The following SCIN variants were observed in gnomAD, a reference collection of about 807,000 sequenced individuals.
The protein encoded by SCIN is scinderin.
A neutral mutation model predicts 91.8 loss-of-function variants in SCIN; 91 were observed. The ratio of observed to expected loss-of-function variants is 0.99; its 90% CI spans 0.84 to 1.18. The LOEUF is 1.18. Among genes scored for constraint, SCIN ranks in the 50% most tolerant of loss-of-function variants. The pLI, the probability that SCIN is intolerant of heterozygous loss-of-function variation, is 0.00. For missense variants in SCIN, 1,087 were observed against 863.9 expected (o/e 1.26, Z -3.24); for synonymous variants, 367 against 312.6 (o/e 1.17, Z -1.84).
chr7:12,632,032 A>T (rs2115281625), intron 9 of SCIN, among the ~76,000 whole-genome samples: 1 of 152,190 alleles, frequency 6.6e-6, no homozygotes, highest in African/African-American at 2.4e-5. Flanking sequence ...TATTTTTAAG[A>T]CATTGGGGGT....
Position 12,626,629 on chromosome 7 carries a change from T to C in SCIN, c.1027T>C (p.Phe343Leu). The change falls in exon 8 of 16, where the codon TTT (phenylalanine) becomes CTT (leucine). Residue 343 changes from phenylalanine to leucine, a missense_variant. Transcript: ENST00000297029. ...AGGTGAAACACCAATCTTCAAACAG[T>C]TTTTTAAGGACTGGAGAGATAAAGA... ...EGGETPIFKQ[F>L]FKDWRDKDQS... 1 of 1,552,488 alleles carries C rather than the reference T, an allele frequency of 6.4e-7. No individual in the cohort carries two copies. Among genetic ancestry groups the C allele is most frequent in the Non-Finnish European group, 8.7e-7 (1 of 1,147,368 alleles).
At chr7:12,580,085 A>G (rs948877074) in intron 2 of SCIN, among the ~76,000 whole-genome samples, 1 of 152,114 alleles carries the variant, frequency 6.6e-6, no homozygotes, top group Non-Finnish European at 1.5e-5. Flanking sequence ...ATCTATACCA[A>G]CTTTTATTGG....
intron 3 of SCIN, among the ~76,000 whole-genome samples, chr7:12,585,477 A>G (rs979617356): frequency 1.3e-5 from 2 of 152,302 alleles, no homozygotes; most frequent in Admixed American, 1.3e-4. Flanking sequence ...CCATGAGTCA[A>G]TCTAAACTTT....
At chr7:12,590,291 A>G (rs1782690569) in intron 3 of SCIN, among the ~76,000 whole-genome samples, 1 of 152,096 alleles carries the variant, frequency 6.6e-6, no homozygotes, top group Admixed American at 6.5e-5. Flanking sequence ...GGTGAAGTCT[A>G]TTTGCCAGTC....
intron 3 of SCIN, among the ~76,000 whole-genome samples, chr7:12,603,294 G>A (rs558205065): frequency 9.2e-4 from 139 of 151,824 alleles, no homozygotes; most frequent in African/African-American, 2.9e-3. Flanking sequence ...ACAGGTGCCC[G>A]CCACTACACC....
chr7:12,584,911 G>A (rs1274387012), intron 3 of SCIN, among the ~76,000 whole-genome samples: 1 of 152,126 alleles, frequency 6.6e-6, no homozygotes, highest in Non-Finnish European at 1.5e-5. Context: ...GTTAACTCTT[G>A]GAAAGATATG....
At chr7:12,592,906 A>C (rs1219677192) in intron 3 of SCIN, among the ~76,000 whole-genome samples, 1 of 152,180 alleles carries the variant, frequency 6.6e-6, no homozygotes, top group Non-Finnish European at 1.5e-5. Context: ...CTGGGCTCCG[A>C]TGCAGTGATG....
intron 3 of SCIN, among the ~76,000 whole-genome samples, chr7:12,584,938 G>A (rs552852891): frequency 6.6e-6 from 1 of 152,300 alleles, no homozygotes; most frequent in Admixed American, 6.5e-5. Flanking sequence ...TCAGCCACTA[G>A]TGAAGAATTC....
chr7:12,640,477 A>G lies in SCIN; in HGVS notation c.1541A>G (p.Gln514Arg). 1 of 1,612,618 alleles carries G rather than the reference A, an allele frequency of 6.2e-7. No individual in the cohort carries two copies. The highest frequency in any genetic ancestry group is 8.5e-7 in the Non-Finnish European group (1 of 1,179,328). The change falls in exon 11 of 16, where the codon CAA (glutamine) becomes CGA (arginine). Residue 514 changes from glutamine to arginine, a missense_variant. Coordinates refer to ENST00000297029, the MANE Select transcript of SCIN (RefSeq NM_001112706.3). Reference sequence around the variant, plus strand: ...CCTGCTCCCCCTACACGCCTCTTTCAAGTCCGGAGAAACCTGGCATCTATC... The same window carrying G: ...CCTGCTCCCCCTACACGCCTCTTTCGAGTCCGGAGAAACCTGGCATCTATC... ...QAPAPPTRLFQVRRNLASITR... is the reference protein window; with the variant it reads ...QAPAPPTRLFRVRRNLASITR...
rs940136439 is a variant in SCIN at position 12,625,495 on chromosome 7, A to T, written c.893-267A>T. Among the ~76,000 whole-genome samples, 38 of 126,838 alleles carry T rather than the reference A, an allele frequency of 3.0e-4. 1 individual carries two copies. Among genetic ancestry groups the T allele is most frequent in the Middle Eastern group, 4.9e-3 (1 of 204 alleles). The allele number at this position is 126,838 out of a possible 152,430, so 83.2% of individuals were successfully genotyped here. A position where few individuals can be genotyped will look rare whatever the true frequency, so the allele number is the denominator to read the frequency against. On this transcript the variant is annotated intron_variant, in intron 6 of 15. Coordinates refer to ENST00000297029, the MANE Select transcript of SCIN (RefSeq NM_001112706.3). ...TGCAGCCCGCCACCACGCCCAGCTA[A>T]TTTTTTTGTATTTTTTGTGGAGATG...
intron 10 of SCIN, among the ~76,000 whole-genome samples, chr7:12,638,167 C>CG (rs1293320213): frequency 1.3e-5 from 2 of 152,198 alleles, no homozygotes; most frequent in Non-Finnish European, 2.9e-5. Flanking sequence ...ATACAGACTT[C>CG]AAGAAGACCC....
intron 1 of SCIN, chr7:12,571,312 C>G (rs2240574): frequency 0.46 from 183,380 of 398,714 alleles, 43,530 homozygotes; most frequent in African/African-American, 0.56. Flanking sequence ...TTGTCCAGGG[C>G]CGCTGCCTCA....
chr7:12,642,763 C>T lies in SCIN; in HGVS notation c.1582-1375C>T, dbSNP rs184499426. On this transcript the variant is annotated intron_variant, in intron 11 of 15. Transcript: ENST00000297029. Reference sequence around the variant, plus strand: ...TCTTTTTTCACTAGGTGAATGTATCCCCACACTTACAATGGTTTCTTCCTA... The same window carrying T: ...TCTTTTTTCACTAGGTGAATGTATCTCCACACTTACAATGGTTTCTTCCTA... Among the ~76,000 whole-genome samples, 11 of 151,842 alleles carry T rather than the reference C, an allele frequency of 7.2e-5. No individual in the cohort carries two copies. In the East Asian group the frequency reaches 1.5e-3, roughly 21 times the overall value.
At chr7:12,614,600 A>G (rs760334586) in intron 4 of SCIN, among the ~76,000 whole-genome samples, 4 of 152,178 alleles carry the variant, frequency 2.6e-5, no homozygotes, top group Non-Finnish European at 5.9e-5. Context: ...GTGTCTTACT[A>G]CAGTGAGCAA....
intron 5 of SCIN, 100 bp downstream of exon 5, chr7:12,622,993 C>T: frequency 4.4e-6 from 3 of 680,146 alleles, no homozygotes; most frequent in Non-Finnish European, 7.4e-6. Flanking sequence ...TGAGAACTCT[C>T]CTCATTGCTC....
intron 6 of SCIN, 97 bp downstream of exon 6, chr7:12,625,239 A>G: frequency 1.8e-6 from 2 of 1,138,766 alleles, no homozygotes; most frequent in East Asian, 2.7e-5. Context: ...AAAAAAGCCC[A>G]CCTTTTAATT....
intron 13 of SCIN, among the ~76,000 whole-genome samples, chr7:12,647,919 G>T (rs1239517158): frequency 6.6e-6 from 1 of 152,140 alleles, no homozygotes; most frequent in African/African-American, 2.4e-5. Context: ...GGCCCTTGCT[G>T]AGTCACCTTT....
At chr7:12,620,534 A>C (rs1204960578) in intron 4 of SCIN, among the ~76,000 whole-genome samples, 1 of 152,104 alleles carries the variant, frequency 6.6e-6, no homozygotes, top group Non-Finnish European at 1.5e-5. Context: ...GATTTCCTTG[A>C]TCTAGAGTCA....
Position 12,636,057 on chromosome 7 carries a change from T to G in SCIN, c.1332T>G (p.Asn444Lys). Reference protein sequence around the residue: ...GQIIYTWQGANATRDELTTSA... With the variant: ...GQIIYTWQGAKATRDELTTSA... ...TTCATTCCTCTAGGCAAGGAGCAAA[T>G]GCCACACGAGATGAGCTGACAACAT... Residue 444 changes from asparagine to lysine, a missense_variant, in exon 10 of 16, where the codon AAT (asparagine) becomes AAG (lysine). Asn to Lys is a moderately conservative substitution (Grantham distance 94, BLOSUM62 0). Coordinates refer to ENST00000297029, the MANE Select transcript of SCIN (RefSeq NM_001112706.3). The G allele has an allele frequency of 6.2e-7, 1 of 1,612,510 alleles. No individual in the cohort carries two copies. Among genetic ancestry groups the G allele is most frequent in the Non-Finnish European group, 8.5e-7 (1 of 1,179,388 alleles).
Sources: gnomAD v4.1 joint callset for allele counts (sites outside exome capture counted in the v4.1 genomes callset) on GRCh38, gnomAD v4.1.1 for gene constraint, MANE v1.5 for transcripts, NCBI Gene and HGNC (gene_info 2026-07-23, HGNC 2026-07-21) for gene names.